Variants in MED13 observed in about 807,000 individuals in gnomAD.
The protein encoded by MED13 is mediator of RNA polymerase II transcription subunit 13.
Under a neutral mutation model 225.2 loss-of-function variants are expected in MED13, and 23 were observed. The observed-to-expected ratio is 0.10, with a 90% CI of 0.07 to 0.14. MED13 has a LOEUF of 0.14. Ranked by LOEUF, MED13 falls within the 10% of genes least tolerant of loss-of-function variation. The pLI, the probability that MED13 is intolerant of heterozygous loss-of-function variation, is 1.00. For synonymous variants in MED13, 942 were observed against 889.2 expected, an observed-to-expected ratio of 1.06 and a Z score of -1.06; for missense variants, 2,197 against 2,594.5, an observed-to-expected ratio of 0.85 and a Z score of 3.33.
At chr17:62,052,892 G>A (rs1276433221) in intron 2 of MED13, among the ~76,000 whole-genome samples, 187 bp from the exon 3 acceptor site, 1 of 152,104 alleles carries the variant, frequency 6.6e-6, no homozygotes, top group East Asian at 1.9e-4. Context: ...GGAATAAAAG[G>A]TCTAAGTGCC....
intron 16 of MED13, among the ~76,000 whole-genome samples, chr17:61,976,824 GGA>G (rs1318347451): frequency 6.6e-6 from 1 of 152,012 alleles, no homozygotes; most frequent in Non-Finnish European, 1.5e-5. Context: ...CCCAGCTACT[GGA>G]GAGGCTGAGG....
intron 8 of MED13, among the ~76,000 whole-genome samples, chr17:62,017,854 T>C (rs889902463): frequency 1.3e-5 from 2 of 152,248 alleles, no homozygotes; most frequent in African/African-American, 4.8e-5. Context: ...ATTTCTGCTA[T>C]AGATTTGAAG....
intron 3 of MED13, among the ~76,000 whole-genome samples, chr17:62,048,909 T>C (rs1274645805): frequency 1.3e-5 from 2 of 152,012 alleles, no homozygotes; most frequent in African/African-American, 4.8e-5. Context: ...AAAGATTCTA[T>C]ACCCAGTCAA....
intron 28 of MED13, among the ~76,000 whole-genome samples, chr17:61,947,715 AAT>A (rs2079862596): frequency 6.6e-6 from 1 of 152,214 alleles, no homozygotes; most frequent in African/African-American, 2.4e-5. Flanking sequence ...TCAATTTCAT[AAT>A]AGAGGGTAGG....
At chr17:61,975,295 A>G (rs1183776092) in intron 16 of MED13, among the ~76,000 whole-genome samples, 2 of 152,188 alleles carry the variant, frequency 1.3e-5, no homozygotes, top group African/African-American at 4.8e-5. Context: ...CGGGCAAAAA[A>G]TCTGAAAAGT....
chr17:62,037,001 G>A (rs927423989), intron 3 of MED13: 1 of 152,182 alleles, frequency 6.6e-6, no homozygotes, highest in African/African-American at 2.4e-5. Context: ...GCTCACATCT[G>A]TAATCCCAGC....
In MED13 at chr17:62,047,228, G is replaced by A. The variant is rs144055192; in HGVS notation, c.470+5309C>T. Among the ~76,000 whole-genome samples, 871 of 152,026 alleles carry A rather than the reference G, an allele frequency of 5.7e-3. 7 individuals are homozygous for A. The highest frequency in any genetic ancestry group is 0.02 in the African/African-American group (821 of 41,450). On this transcript the variant is annotated intron_variant, in intron 3 of 29. Coordinates refer to ENST00000397786, the MANE Select transcript of MED13 (RefSeq NM_005121.3). ...TCTACTAAAAATACAAAAATTAGCC[G>A]GGCGTGCTGGTGGGTGCCTATAATC...
chr17:61,971,829 G>A (rs1013872996), intron 17 of MED13, among the ~76,000 whole-genome samples: 7 of 151,992 alleles, frequency 4.6e-5, no homozygotes, highest in Non-Finnish European at 7.4e-5. Flanking sequence ...AGCTGTTCGG[G>A]AGGCTAAGCC....
At position 61,984,877 on chromosome 17, in the gene MED13, A is replaced by G. The variant is rs757600995; in HGVS notation, c.2477-12T>C. On this transcript the variant is annotated splice_polypyrimidine_tract_variant and intron_variant, in intron 13 of 29. Transcript: ENST00000397786. ...AAGATCTGCAGTGCCTATATTTAAT[A>G]AAAACATACATTTTAACATGACTAA... The G allele has an allele frequency of 1.9e-6, 3 of 1,598,860 alleles. No individual in the cohort carries two copies. The highest frequency in any genetic ancestry group is 2.6e-6 in the Non-Finnish European group (3 of 1,170,578).
intron 23 of MED13, 25 bp downstream of exon 23, chr17:61,960,842 G>T: frequency 6.9e-7 from 1 of 1,451,280 alleles, no homozygotes; most frequent in Non-Finnish European, 9.6e-7. Context: ...GGAATGATAT[G>T]ATATATTTAG....
At chr17:62,016,046 T>C (rs2080576898) in intron 8 of MED13, among the ~76,000 whole-genome samples, 1 of 123,576 alleles carries the variant, frequency 8.1e-6, no homozygotes, top group Non-Finnish European at 1.7e-5. Flanking sequence ...TCAAGTGATC[T>C]ACCCACTTCA....
chr17:62,058,762 C>T (rs2081015559), intron 2 of MED13, among the ~76,000 whole-genome samples: 1 of 152,122 alleles, frequency 6.6e-6, no homozygotes, highest in Admixed American at 6.6e-5. Flanking sequence ...TAGCACAAAT[C>T]CTGATCCAAA....
At chr17:62,043,156 C>CAAAAAAAAAAAAAAA (rs764530614) in intron 3 of MED13, among the ~76,000 whole-genome samples, 52 of 31,674 alleles carry the variant, frequency 1.6e-3, no homozygotes, top group Non-Finnish European at 2.0e-3. Flanking sequence ...ACCCTGTCTC[C>CAAAAAAAAAAAAAAA]AAAAAAAAAA....
chr17:62,027,156 G>A (rs1230366789), intron 8 of MED13, among the ~76,000 whole-genome samples: 1 of 152,128 alleles, frequency 6.6e-6, no homozygotes, highest in African/African-American at 2.4e-5. Context: ...GAACAATGCT[G>A]GAGGCATCAT....
chr17:61,986,369 A>G (rs2080247911), intron 12 of MED13, among the ~76,000 whole-genome samples: 1 of 151,676 alleles, frequency 6.6e-6, no homozygotes. Context: ...ACCTTTATGC[A>G]GATGAAAAGG....
intron 17 of MED13, among the ~76,000 whole-genome samples, chr17:61,970,746 G>C (rs1189134702): frequency 1.8e-5 from 1 of 56,932 alleles, no homozygotes; most frequent in East Asian, 4.4e-4. Flanking sequence ...TTTTTTTCTT[G>C]AAATACACGT....
chr17:61,959,746 T>TG (rs762896362), intron 23 of MED13, among the ~76,000 whole-genome samples: 32 of 130,786 alleles, frequency 2.4e-4, no homozygotes, highest in Middle Eastern at 3.9e-3. Flanking sequence ...TTTTTTTTTT[T>TG]GAGACAGGGT....
chr17:62,021,443 C>A (rs527724193), intron 8 of MED13, among the ~76,000 whole-genome samples: 1 of 140,612 alleles, frequency 7.1e-6, no homozygotes, highest in East Asian at 2.2e-4. Context: ...CCCTCCCGGA[C>A]GGGGCGGCTG....
intron 9 of MED13, among the ~76,000 whole-genome samples, chr17:61,996,092 G>C (rs984079737): frequency 5.9e-5 from 9 of 152,260 alleles, no homozygotes; most frequent in African/African-American, 1.7e-4. Context: ...AGACAACAAG[G>C]AAGTTGGAAA....
Sources: allele counts gnomAD v4.1 joint callset (sites outside exome capture counted in the v4.1 genomes callset), GRCh38; gene constraint gnomAD v4.1.1; transcripts MANE v1.5; gene names NCBI Gene and HGNC (gene_info 2026-07-23, HGNC 2026-07-21).